PCGF3: variants seen among roughly 807,000 people sequenced by gnomAD.
The protein encoded by PCGF3 is polycomb group RING finger protein 3.
In PCGF3, 7 loss-of-function variants were observed where a neutral mutation model predicts 33.1. That is an observed-to-expected ratio of 0.21 (90% CI 0.12 to 0.40). PCGF3 has a LOEUF of 0.40. Ranked by LOEUF, PCGF3 falls within the 10% of genes least tolerant of loss-of-function variation. PCGF3 has a pLI of 1.00. For synonymous variants in PCGF3, 153 were observed against 121.3 expected, an observed-to-expected ratio of 1.26 and a Z score of -1.72; for missense variants, 211 against 313.3, an observed-to-expected ratio of 0.67 and a Z score of 2.46.
At position 761,424 on chromosome 4, in the gene PCGF3, T is replaced by C. The variant is rs772420146; in HGVS notation, c.600+8T>C. 2.5e-6 allele frequency: 4 copies of C among 1,595,312 alleles called. No individual in the cohort carries two copies. In the Admixed American group the frequency reaches 5.2e-5, roughly 21 times the overall value. On this transcript the variant is annotated splice_region_variant and intron_variant, in intron 9 of 10. Coordinates refer to ENST00000362003, the Ensembl canonical transcript of PCGF3. ...CTTTCATCCTTTAACGAGGTAACAG[T>C]TGATCCCTAAGTAGAAACCATAACA...
At chr4:755,796 G>A (rs1387723557) in intron 8 of PCGF3, among the ~76,000 whole-genome samples, 2 of 151,348 alleles carry the variant, frequency 1.3e-5, no homozygotes, top group Non-Finnish European at 1.5e-5. Flanking sequence ...CTCCCATTGT[G>A]CCAAAACAAC....
At position 720,874 on chromosome 4, in the gene PCGF3, CTT is replaced by C. The variant is rs1743050036; in HGVS notation, c.-189-9755_-189-9754del. Among the ~76,000 whole-genome samples the C allele has an allele frequency of 6.6e-6, 1 of 152,166 alleles. No individual in the cohort carries two copies. Among genetic ancestry groups the C allele is most frequent in the South Asian group, 2.1e-4 (1 of 4,824 alleles). Reference sequence around the variant, plus strand: ...TTCTGTCTCTAAGATACTGCTCAGACTTGTGTGGAGGGTGAATTAGTGCGAGG... The same window carrying C: ...TTCTGTCTCTAAGATACTGCTCAGACGTGTGGAGGGTGAATTAGTGCGAGG... On this transcript the variant is annotated intron_variant, in intron 1 of 10. Coordinates refer to ENST00000362003, the Ensembl canonical transcript of PCGF3. This position sits in a 1 kb window ranked among gnomAD's most constrained non-coding sequence, Gnocchi z 5.6.
In PCGF3 at chr4:743,754, G is replaced by C. The variant is rs191936133; in HGVS notation, c.373+170G>C. The C allele has an allele frequency of 9.2e-5, 51 of 555,594 alleles. No individual in the cohort carries two copies. The East Asian group carries it at 1.4e-3, about 15-fold the overall frequency. The allele number at this position is 555,594 out of a possible 1,614,324, so 34.4% of individuals were successfully genotyped here. On this transcript the variant is annotated intron_variant, in intron 7 of 10. Coordinates refer to ENST00000362003, the Ensembl canonical transcript of PCGF3. ...TTCAAGGCGTTCCTCCTCACTCCTG[G>C]TACCAGTGGGAACGTGGGCAGAGGG...
At chr4:749,841 G>A (rs1383274094) in intron 8 of PCGF3, among the ~76,000 whole-genome samples, 3 of 151,728 alleles carry the variant, frequency 2.0e-5, no homozygotes, top group African/African-American at 7.3e-5. Context: ...TCTTTGAGAC[G>A]GGATCTGGCT....
At chr4:764,779 T>C (rs1560221674) in intron 9 of PCGF3, 1 of 543,778 alleles carries the variant, frequency 1.8e-6, no homozygotes, top group Non-Finnish European at 3.3e-6. Context: ...GGATTTCCGT[T>C]CAGCTGTGAG....
intron 6 of PCGF3, among the ~76,000 whole-genome samples, chr4:742,100 C>T (rs1214212148): frequency 6.6e-6 from 1 of 151,950 alleles, no homozygotes; most frequent in African/African-American, 2.4e-5. Context: ...CCACCTATCC[C>T]CTTGGCTCTC....
chr4:706,008 GC>G (rs933509174), intron 1 of PCGF3, 38 bp downstream of exon 1: 5 of 152,212 alleles, frequency 3.3e-5, no homozygotes, highest in African/African-American at 1.2e-4. Flanking sequence ...GGCCCTCGGC[GC>G]CCGCTCCTCA....
intron 9 of PCGF3, among the ~76,000 whole-genome samples, chr4:764,116 C>T (rs1226907340): frequency 6.6e-6 from 1 of 152,088 alleles, no homozygotes; most frequent in Non-Finnish European, 1.5e-5. Context: ...GCTGTGCCAC[C>T]AGGGCGACCT....
chr4:752,851 G>C (rs1014522436), intron 8 of PCGF3, among the ~76,000 whole-genome samples: 1 of 152,230 alleles, frequency 6.6e-6, no homozygotes, highest in Admixed American at 6.5e-5. Context: ...CCAAACACTC[G>C]GCCTCCGCCC....
At chr4:734,314 A>G (rs747700639) in intron 4 of PCGF3, 50 of 1,443,666 alleles carry the variant, frequency 3.5e-5, no homozygotes, top group Non-Finnish European at 4.6e-5. Context: ...CTGAGGCCCC[A>G]TGGCTGGCGG....
chr4:763,874 G>C (rs965833479), intron 9 of PCGF3, among the ~76,000 whole-genome samples: 1 of 152,214 alleles, frequency 6.6e-6, no homozygotes, highest in African/African-American at 2.4e-5. Flanking sequence ...ATCCAGTACT[G>C]AAAAGAAATG....
In PCGF3 at chr4:734,754, C is replaced by T; in HGVS notation, c.110-177C>T. The T allele has an allele frequency of 2.9e-6, 4 of 1,383,104 alleles. No individual in the cohort carries two copies. In the South Asian group the frequency reaches 5.2e-5, roughly 18 times the overall value. 85.7% of individuals were successfully genotyped at this position (1,383,104 alleles called of 1,614,324 possible). On this transcript the variant is annotated intron_variant, in intron 4 of 10. Coordinates refer to ENST00000362003, the Ensembl canonical transcript of PCGF3. ...CGGGGCAATTAAAACCTTCTCATTG[C>T]TCCTGAGACCAGAACGGCAAGATGT... is the stretch of plus-strand genomic sequence containing the variant.
chr4:730,706 A>G (rs1378585811), intron 2 of PCGF3, 38 bp downstream of exon 2: 2 of 264,162 alleles, frequency 7.6e-6, no homozygotes, highest in Admixed American at 1.1e-4. Context: ...TTCTTTCCGC[A>G]CCTGTGAACT....
chr4:717,394 CT>C (rs918711562), intron 1 of PCGF3, among the ~76,000 whole-genome samples: 10 of 151,622 alleles, frequency 6.6e-5, no homozygotes, highest in East Asian at 3.9e-4. Context: ...TGTGTGCTTA[CT>C]TTTTTTTTCA....
chr4:726,701 T>C (rs1407013354), intron 1 of PCGF3, among the ~76,000 whole-genome samples: 2 of 152,146 alleles, frequency 1.3e-5, no homozygotes, highest in African/African-American at 4.8e-5. Flanking sequence ...TGGGGTGGGA[T>C]GGTGCAATAC....
At chr4:715,492 T>G (rs13126515) in intron 1 of PCGF3, among the ~76,000 whole-genome samples, 12 of 134,150 alleles carry the variant, frequency 8.9e-5, no homozygotes, top group African/African-American at 3.4e-4. Flanking sequence ...TGGGACCCTA[T>G]AGACACTGAG....
At chr4:761,232 C>G (rs778427573) in intron 8 of PCGF3, 47 bp from the exon 9 acceptor site, 5 of 1,506,298 alleles carry the variant, frequency 3.3e-6, no homozygotes, top group Non-Finnish European at 4.4e-6. Context: ...CCAGAACCGT[C>G]CGGGGGAACC....
chr4:706,837 C>T (rs540940842), intron 1 of PCGF3, among the ~76,000 whole-genome samples: 62 of 131,276 alleles, frequency 4.7e-4, no homozygotes, highest in Middle Eastern at 8.6e-3. Context: ...GCAGGGACCC[C>T]AGACCAGGCA....
chr4:709,120 C>A (rs1358969334), intron 1 of PCGF3, among the ~76,000 whole-genome samples: 2 of 152,176 alleles, frequency 1.3e-5, no homozygotes, highest in African/African-American at 4.8e-5. Context: ...GGGGTGTTTC[C>A]AGAGGGTGGT....
Sources: gnomAD v4.1 joint callset for allele counts (sites outside exome capture counted in the v4.1 genomes callset) on GRCh38, gnomAD v4.1.1 for gene constraint, Gnocchi (gnomAD v3.1) non-coding constraint, MANE v1.5 for transcripts, NCBI Gene and HGNC (gene_info 2026-07-23, HGNC 2026-07-21) for gene names.